The following POU2F3 variants were observed in gnomAD, a reference collection of about 807,000 sequenced individuals.
POU2F3 encodes POU domain, class 2, transcription factor 3.
POU2F3 carries 23 observed loss-of-function variants against 59.2 expected under a neutral mutation model. The ratio of observed to expected loss-of-function variants is 0.39; its 90% CI spans 0.28 to 0.55. The LOEUF is 0.55. Ranked by LOEUF, POU2F3 falls within the 20% of genes least tolerant of loss-of-function variation. POU2F3 has a pLI of 0.66. For synonymous variants in POU2F3, 190 were observed against 214.6 expected (o/e 0.89, Z 1.00); for missense variants, 473 against 544.5 (o/e 0.87, Z 1.31).
chr11:120,250,293 T>C (rs768540573), intron 2 of POU2F3: 2 of 152,226 alleles, frequency 1.3e-5, no homozygotes, highest in Non-Finnish European at 2.9e-5. Flanking sequence ...ACTTAGCTTG[T>C]AGTTGTATAA....
chr11:120,306,210 G>C (rs78325787), intron 8 of POU2F3, among the ~76,000 whole-genome samples: 4,708 of 152,238 alleles, frequency 0.031, 241 homozygotes, highest in African/African-American at 0.11. Flanking sequence ...CACGACACAG[G>C]GTCTTTCCCT....
chr11:120,296,100 C>T (rs1028896243), intron 3 of POU2F3, among the ~76,000 whole-genome samples: 16 of 152,256 alleles, frequency 1.1e-4, no homozygotes, highest in South Asian at 4.1e-4. Context: ...ATACAATAGA[C>T]GGGGAAATTG....
At chr11:120,292,356 C>CA (rs138222063) in intron 3 of POU2F3, among the ~76,000 whole-genome samples, 12,478 of 149,060 alleles carry the variant, frequency 0.084, 1,262 homozygotes, top group African/African-American at 0.24. Flanking sequence ...TGTTAAAAAA[C>CA]AAAAAAAACA....
intron 3 of POU2F3, among the ~76,000 whole-genome samples, chr11:120,277,932 C>T (rs1265350395): frequency 6.6e-6 from 1 of 152,130 alleles, no homozygotes; most frequent in Non-Finnish European, 1.5e-5. Context: ...ACAGTAGGTC[C>T]CTCATGCCTC....
intron 3 of POU2F3, among the ~76,000 whole-genome samples, chr11:120,289,358 G>A (rs1940939341): frequency 6.6e-6 from 1 of 152,164 alleles, no homozygotes; most frequent in African/African-American, 2.4e-5. Flanking sequence ...GGCAATTGCG[G>A]TAAATAGCTT....
rs547601078 is a variant in POU2F3 at position 120,313,603 on chromosome 11, A to G, written c.1069-1758A>G. Among the ~76,000 whole-genome samples the G allele has an allele frequency of 5.3e-5, 8 of 152,324 alleles. No homozygotes were observed. In the East Asian group the frequency reaches 1.2e-3, roughly 22 times the overall value. ...CAGATCAGTGTGGGCAGAATGCTAC[A>G]ATATATCTAGAAAATAAAAAAGGGG... is the stretch of plus-strand genomic sequence containing the variant. On this transcript the variant is annotated intron_variant, in intron 10 of 12. Transcript: ENST00000543440.
chr11:120,263,945 C>A (rs1017227300), intron 2 of POU2F3, among the ~76,000 whole-genome samples: 10 of 152,146 alleles, frequency 6.6e-5, no homozygotes, highest in Non-Finnish European at 1.5e-4. Context: ...TATGATCCTT[C>A]AGTACCTACT....
At chr11:120,247,282 C>T (rs1204719968) in intron 2 of POU2F3, among the ~76,000 whole-genome samples, 2 of 152,216 alleles carry the variant, frequency 1.3e-5, no homozygotes, top group Non-Finnish European at 2.9e-5. Flanking sequence ...ATTAGTCTTT[C>T]ATCTGGATCA....
Position 120,309,424 on chromosome 11 carries a change from G to A in POU2F3, c.907-1G>A. The A allele has an allele frequency of 6.2e-7, 1 of 1,612,698 alleles. No homozygotes were observed. The highest frequency in any genetic ancestry group is 8.5e-7 in the Non-Finnish European group (1 of 1,178,770). On this transcript the variant is annotated splice_acceptor_variant, in intron 9 of 12. Coordinates refer to ENST00000543440, the MANE Select transcript of POU2F3 (RefSeq NM_014352.4). LOFTEE classifies it high-confidence loss of function. ...ATACTCTGTCCTTTCGGTGCCTATA[G>A]AACCCAAAACCCAGCTCGGAGGAGA...
chr11:120,238,331 G>A (rs947922981), upstream of POU2F3, among the ~76,000 whole-genome samples: 1 of 152,100 alleles, frequency 6.6e-6, no homozygotes, highest in Non-Finnish European at 1.5e-5. Context: ...GACTGGGGAG[G>A]GTGGTGTATG....
chr11:120,295,770 C>T (rs1941177396), intron 3 of POU2F3, among the ~76,000 whole-genome samples: 1 of 152,176 alleles, frequency 6.6e-6, no homozygotes, highest in African/African-American at 2.4e-5. Context: ...AGACAACTCC[C>T]AGGCAGCCAT....
intron 5 of POU2F3, chr11:120,301,166 CACTT>C: frequency 2.3e-6 from 1 of 441,564 alleles, no homozygotes. Context: ...TTTAAAAAGT[CACTT>C]ACTAACTGTG....
chr11:120,309,421 A>G lies in POU2F3; in HGVS notation c.907-4A>G, dbSNP rs771466125. On this transcript the variant is annotated splice_polypyrimidine_tract_variant and splice_region_variant and intron_variant, in intron 9 of 12. Coordinates refer to ENST00000543440, the MANE Select transcript of POU2F3 (RefSeq NM_014352.4). ...GCCATACTCTGTCCTTTCGGTGCCT[A>G]TAGAACCCAAAACCCAGCTCGGAGG... The G allele has an allele frequency of 3.7e-6, 6 of 1,611,904 alleles. No individual in the cohort carries two copies. The highest frequency in any genetic ancestry group is 3.4e-6 in the Non-Finnish European group (4 of 1,178,154).
At chr11:120,273,296 T>A (rs928084613) in intron 3 of POU2F3, among the ~76,000 whole-genome samples, 4 of 152,208 alleles carry the variant, frequency 2.6e-5, no homozygotes, top group African/African-American at 9.6e-5. Context: ...GTGTCTGTTG[T>A]AAGAAGATAA....
At chr11:120,260,116 C>T (rs547025787) in intron 2 of POU2F3, among the ~76,000 whole-genome samples, 3 of 152,342 alleles carry the variant, frequency 2.0e-5, no homozygotes, top group East Asian at 3.9e-4. Flanking sequence ...GGGAGAGGCT[C>T]GGCCCCATTG....
In POU2F3 at chr11:120,316,815, C is replaced by T. The variant is rs1591449347; in HGVS notation, c.1136-414C>T. On this transcript the variant is annotated intron_variant, in intron 11 of 12. Coordinates refer to ENST00000543440, the MANE Select transcript of POU2F3 (RefSeq NM_014352.4). ...GCAGCTGGCAATCTTTCATCGTGCC[C>T]TCAAGTTCTCTTTCTCCCCTATGCA... is the stretch of plus-strand genomic sequence containing the variant. Among the ~76,000 whole-genome samples the T allele has an allele frequency of 2.6e-5, 4 of 152,312 alleles. No homozygotes were observed. In the South Asian group the frequency reaches 8.3e-4, roughly 32 times the overall value.
At chr11:120,246,395 C>A in intron 1 of POU2F3, 54 bp from the exon 2 acceptor site, 2 of 1,574,700 alleles carry the variant, frequency 1.3e-6, no homozygotes, top group South Asian at 1.1e-5. Context: ...CCACATATGT[C>A]ATAGCAAGAA....
chr11:120,243,216 G>A (rs1444002939), intron 1 of POU2F3, among the ~76,000 whole-genome samples: 2 of 152,130 alleles, frequency 1.3e-5, no homozygotes, highest in Non-Finnish European at 2.9e-5. Context: ...TGGAAGTGCC[G>A]CCATCAGCAG....
intron 3 of POU2F3, among the ~76,000 whole-genome samples, chr11:120,279,733 C>A (rs1179967264): frequency 6.6e-6 from 1 of 152,226 alleles, no homozygotes; most frequent in East Asian, 1.9e-4. Context: ...ACTGGGTGGA[C>A]CAAGCCCTGT....
Sources: gnomAD v4.1 joint callset for allele counts (sites outside exome capture counted in the v4.1 genomes callset) on GRCh38, gnomAD v4.1.1 for gene constraint, MANE v1.5 for transcripts, NCBI Gene and HGNC (gene_info 2026-07-23, HGNC 2026-07-21) for gene names.